Variants in RIT2 observed in about 807,000 individuals in gnomAD.
RIT2 encodes GTP-binding protein Rit2.
In RIT2, 24 loss-of-function variants were observed where a neutral mutation model predicts 23.7. The ratio of observed to expected loss-of-function variants is 1.01; its 90% CI spans 0.73 to 1.43. The LOEUF is 1.43. RIT2 is among the 40% of genes most tolerant of loss of function. The pLI is 0.00. For synonymous variants in RIT2, 107 were observed against 91.1 expected, an observed-to-expected ratio of 1.17 and a Z score of -0.99; for missense variants, 236 against 266.9, an observed-to-expected ratio of 0.88 and a Z score of 0.81.
intron 1 of RIT2, among the ~76,000 whole-genome samples, chr18:43,099,742 G>A (rs1459958882): frequency 6.6e-6 from 1 of 151,922 alleles, no homozygotes; most frequent in East Asian, 1.9e-4. Flanking sequence ...AATCTTGCAG[G>A]GTTTTTTTCT....
At chr18:43,080,128 A>G (rs987556925) in intron 1 of RIT2, among the ~76,000 whole-genome samples, 1 of 152,224 alleles carries the variant, frequency 6.6e-6, no homozygotes, top group Non-Finnish European at 1.5e-5. Context: ...CTCTGGGTCT[A>G]ATAGACTTTC....
chr18:42,991,763 C>T lies in RIT2; in HGVS notation c.161-17616G>A, dbSNP rs111479264. 8.8e-3 allele frequency among the ~76,000 whole-genome samples: 1,339 copies of T among 152,154 alleles called. 15 individuals carry two copies. Among genetic ancestry groups the T allele is most frequent in the Non-Finnish European group, 0.014 (927 of 68,000 alleles). Reference sequence around the variant, plus strand: ...CCCGTACTGAGCACCTTGTGACCCCCACTCCTGCCTGCCAGAGAACAACCC... The same window carrying T: ...CCCGTACTGAGCACCTTGTGACCCCTACTCCTGCCTGCCAGAGAACAACCC... On this transcript the variant is annotated intron_variant, in intron 2 of 4. Coordinates refer to ENST00000326695, the MANE Select transcript of RIT2 (RefSeq NM_002930.4).
At chr18:43,071,937 G>A (rs965444751) in intron 1 of RIT2, among the ~76,000 whole-genome samples, 1 of 151,876 alleles carries the variant, frequency 6.6e-6, no homozygotes, top group Non-Finnish European at 1.5e-5. Context: ...AGAATTATCA[G>A]TTTTCAGAAA....
chr18:43,080,097 G>C, intron 1 of RIT2, among the ~76,000 whole-genome samples: 1 of 152,138 alleles, frequency 6.6e-6, no homozygotes, highest in East Asian at 1.9e-4. Flanking sequence ...ATGTTTCTTT[G>C]TATTTATTAG....
At chr18:43,038,727 A>C (rs1912051616) in intron 1 of RIT2, among the ~76,000 whole-genome samples, 1 of 152,010 alleles carries the variant, frequency 6.6e-6, no homozygotes, top group African/African-American at 2.4e-5. Context: ...TGCTTTGTTA[A>C]ATTTTGGGGG....
chr18:43,080,537 T>C (rs1913132755), intron 1 of RIT2, among the ~76,000 whole-genome samples: 1 of 152,184 alleles, frequency 6.6e-6, no homozygotes, highest in Admixed American at 6.5e-5. Flanking sequence ...ACCTCACACC[T>C]CTGCTTCTCC....
rs1910790411 is a variant in RIT2, at chr18:42,989,525, A to T, written c.161-15378T>A. 3.9e-5 allele frequency among the ~76,000 whole-genome samples: 6 copies of T among 152,220 alleles called. 1 individual carries two copies. Among genetic ancestry groups the T allele is most frequent in the Admixed American group, 3.9e-4 (6 of 15,272 alleles). On this transcript the variant is annotated intron_variant, in intron 2 of 4. Coordinates refer to ENST00000326695, the MANE Select transcript of RIT2 (RefSeq NM_002930.4). ...AATGTCATTTGAATGTCTGCAAGCA[A>T]TATGGAAAAATATTAATGAGATATT... is the stretch of plus-strand genomic sequence containing the variant.
intron 4 of RIT2, among the ~76,000 whole-genome samples, chr18:42,844,076 C>A (rs902104259): frequency 2.6e-5 from 4 of 152,170 alleles, no homozygotes; most frequent in Admixed American, 2.6e-4. Flanking sequence ...GCCTACCATG[C>A]TCAACCCCTT....
At chr18:42,826,095 T>G (rs1906289776) in intron 4 of RIT2, among the ~76,000 whole-genome samples, 1 of 152,082 alleles carries the variant, frequency 6.6e-6, no homozygotes, top group East Asian at 1.9e-4. Flanking sequence ...AATCCCTCAT[T>G]AATTAGTCAA....
intron 3 of RIT2, among the ~76,000 whole-genome samples, chr18:42,970,241 C>T (rs750385016): frequency 4.6e-5 from 7 of 151,416 alleles, no homozygotes; most frequent in Non-Finnish European, 7.4e-5. Context: ...ATTCTCAGCT[C>T]ATTGTAAGAA....
chr18:42,949,002 A>G (rs1463839901), intron 3 of RIT2: 10 of 397,542 alleles, frequency 2.5e-5, no homozygotes, highest in Non-Finnish European at 4.4e-5. Flanking sequence ...AGTTCTTCTG[A>G]TTTCCCACAG....
chr18:42,916,779 G>A (rs960321559), intron 4 of RIT2, among the ~76,000 whole-genome samples: 4 of 152,186 alleles, frequency 2.6e-5, no homozygotes, highest in African/African-American at 9.6e-5. Flanking sequence ...AACAATGACA[G>A]AGATATTATC....
At chr18:43,026,920 A>G (rs971957907) in intron 2 of RIT2, among the ~76,000 whole-genome samples, 2 of 152,154 alleles carry the variant, frequency 1.3e-5, no homozygotes, top group Non-Finnish European at 2.9e-5. Context: ...TAAGAAGACC[A>G]AATGCAAGAA....
intron 4 of RIT2, among the ~76,000 whole-genome samples, chr18:42,878,908 T>C (rs488136): frequency 0.26 from 39,096 of 149,994 alleles, 6,689 homozygotes; most frequent in African/African-American, 0.48. Context: ...GACTAGAGTA[T>C]TAAGTGCTGT....
At chr18:42,796,033 T>C (rs1905340233) in intron 4 of RIT2, among the ~76,000 whole-genome samples, 1 of 152,126 alleles carries the variant, frequency 6.6e-6, no homozygotes, top group Admixed American at 6.5e-5. Context: ...GATAAGAGAA[T>C]AAAAGCAGGC....
intron 2 of RIT2, among the ~76,000 whole-genome samples, chr18:43,030,548 A>G (rs1911830007): frequency 6.6e-6 from 1 of 152,138 alleles, no homozygotes; most frequent in South Asian, 2.1e-4. Context: ...GGAACCATCA[A>G]ACAGAGATTA....
At chr18:42,778,429 A>G (rs2143927615) in intron 4 of RIT2, among the ~76,000 whole-genome samples, 1 of 151,914 alleles carries the variant, frequency 6.6e-6, no homozygotes, top group East Asian at 1.9e-4. Flanking sequence ...CTAATGATTA[A>G]TTATCTATAA....
intron 4 of RIT2, among the ~76,000 whole-genome samples, chr18:42,885,680 T>C (rs1908004343): frequency 6.6e-6 from 1 of 152,194 alleles, no homozygotes; most frequent in Non-Finnish European, 1.5e-5. Context: ...AGAGGGTTGG[T>C]GGAATAGCAG....
At chr18:42,758,945 T>C (rs1187723430) in intron 4 of RIT2, among the ~76,000 whole-genome samples, 1 of 152,180 alleles carries the variant, frequency 6.6e-6, no homozygotes, top group South Asian at 2.1e-4. Context: ...ACTCCTACAG[T>C]TCCCAAGCCC....
Sources: allele counts gnomAD v4.1 joint callset (sites outside exome capture counted in the v4.1 genomes callset), GRCh38; gene constraint gnomAD v4.1.1; transcripts MANE v1.5; gene names NCBI Gene and HGNC (gene_info 2026-07-23, HGNC 2026-07-21).